The following MTMR1 variants were observed in gnomAD, a reference collection of about 807,000 sequenced individuals.
The protein encoded by MTMR1 is myotubularin related protein 1, also known as phosphatidylinositol-3-phosphate phosphatase MTMR1.
Under a neutral mutation model 51.6 loss-of-function variants are expected in MTMR1, and 17 were observed. The ratio of observed to expected loss-of-function variants is 0.33; its 90% CI spans 0.23 to 0.49. The LOEUF (loss-of-function observed/expected upper bound fraction) is 0.49, where lower values mean the gene tolerates loss of function less well. Among genes scored for constraint, MTMR1 ranks in the 20% least tolerant of loss-of-function variants. The pLI is 0.99. For synonymous variants in MTMR1, 201 were observed against 205.6 expected, an observed-to-expected ratio of 0.98 and a Z score of 0.19; for missense variants, 386 against 526.9, an observed-to-expected ratio of 0.73 and a Z score of 2.62.
At chrX:150,734,683 C>A (rs982265699) in intron 10 of MTMR1, among the ~76,000 whole-genome samples, 8 of 112,470 alleles carry the variant, frequency 7.1e-5, no homozygotes, top group African/African-American at 2.6e-4. Flanking sequence ...TTAACTATGG[C>A]AGTATATGTG....
rs2042225195 is a variant in MTMR1 at position 150,735,053 on chromosome X, C to T, written c.1081-1542C>T. Among the ~76,000 whole-genome samples the T allele has an allele frequency of 4.5e-5, 5 of 111,805 alleles. 1 individual carries two copies. The Admixed American group carries it at 4.7e-4, about 11-fold the overall frequency. On this transcript the variant is annotated intron_variant, in intron 10 of 15. Transcript: ENST00000445323. The stretch of plus-strand genomic sequence containing the variant: ...ACAGGCACACACAGAAGGAAGATGG[C>T]GATGTGGCAATAGAGGCAGAGATTT...
chrX:150,698,678 GCGCACACA>G (rs1441912570), intron 1 of MTMR1, among the ~76,000 whole-genome samples: 1,019 of 70,755 alleles, frequency 0.014, 19 homozygotes, highest in African/African-American at 0.044. Context: ...CTACACGCGC[GCGCACACA>G]CACACACACA....
intron 13 of MTMR1, among the ~76,000 whole-genome samples, chrX:150,747,300 A>T (rs148097489): frequency 9.1e-6 from 1 of 109,991 alleles, no homozygotes; most frequent in Non-Finnish European, 1.9e-5. Context: ...AAAAAAAATT[A>T]AAAAATTAGC....
intron 15 of MTMR1, among the ~76,000 whole-genome samples, chrX:150,760,198 T>G (rs1243545177): frequency 9.4e-6 from 1 of 106,153 alleles, no homozygotes; most frequent in African/African-American, 3.4e-5. Flanking sequence ...ACCTCCTAGG[T>G]GTGGGAATGG....
intron 4 of MTMR1, among the ~76,000 whole-genome samples, chrX:150,720,726 TA>T (rs2041719448): frequency 8.9e-6 from 1 of 112,384 alleles, no homozygotes; most frequent in African/African-American, 3.2e-5. Context: ...GTCGTACCAG[TA>T]TACATTTCTA....
intron 3 of MTMR1, among the ~76,000 whole-genome samples, chrX:150,713,750 A>G (rs1156830550): frequency 8.9e-6 from 1 of 111,987 alleles, no homozygotes; most frequent in East Asian, 2.8e-4. Flanking sequence ...AGAACAGTAT[A>G]CCTTTAAAGG....
intron 2 of MTMR1, among the ~76,000 whole-genome samples, chrX:150,705,598 C>T (rs2041068689): frequency 9.0e-6 from 1 of 111,645 alleles, no homozygotes. Flanking sequence ...AAAAATCAAC[C>T]ATGTAAAAAT....
intron 1 of MTMR1, among the ~76,000 whole-genome samples, chrX:150,693,891 G>A (rs1216130586): frequency 9.2e-6 from 1 of 108,523 alleles, no homozygotes; most frequent in African/African-American, 3.3e-5. Context: ...TGCGGGCCGC[G>A]CACCTGGCTC....
rs200094826 is a variant in MTMR1 at position 150,755,803 on chromosome X, C to G, written c.1795C>G (p.Leu599Val). Reference protein sequence around the residue: ...ENHVLYPVASLSHLELWVNYY... With the variant: ...ENHVLYPVASVSHLELWVNYY... ...CCACGTGTTATATCCTGTTGCTAGT[C>G]TGAGTCATTTGGAATTGTGGGTAAA... The change falls in exon 15 of 16, where the codon CTG becomes GTG. Residue 599 changes from leucine to valine, a missense_variant. Transcript: ENST00000445323. 3.5e-5 allele frequency: 42 copies of G among 1,204,482 alleles called. No homozygotes were observed. The highest frequency in any genetic ancestry group is 7.8e-6 in the Non-Finnish European group (7 of 892,670).
Position 150,752,055 on chromosome X carries a change from T to A in MTMR1, c.1680+1212T>A, listed in dbSNP as rs996336503. On this transcript the variant is annotated intron_variant, in intron 14 of 15. Coordinates refer to ENST00000445323, the MANE Select transcript of MTMR1 (RefSeq NM_001306144.3). ...CCGCAGCCTCCCGAGTAGCTGGGAT[T>A]ATAGGCACCCGCCACCACGCCCGGC... Among the ~76,000 whole-genome samples, 8 of 108,643 alleles carry A rather than the reference T, an allele frequency of 7.4e-5. No homozygotes were observed. The Admixed American group carries it at 7.9e-4, about 11-fold the overall frequency. 94.3% of individuals were successfully genotyped at this position (108,643 alleles called of 115,157 possible). A position where few individuals can be genotyped will look rare whatever the true frequency, so the allele number is the denominator to read the frequency against.
chrX:150,697,735 C>A (rs1316410173), intron 1 of MTMR1, among the ~76,000 whole-genome samples: 1 of 111,670 alleles, frequency 9.0e-6, no homozygotes, highest in Non-Finnish European at 1.9e-5. Flanking sequence ...GGCAAGGCTA[C>A]GTGTGTGAAA....
At position 150,762,709 on chromosome X, in the gene MTMR1, TC is replaced by T; in HGVS notation, c.2004del (p.Val669SerfsTer34). ...RGSSPSHSAT[S>X]VHTSV ...CTCCTCGCCCTCCCACTCCGCCACCTCCGTCCACACCTCGGTCTGATGGGCG... is the reference window on the plus strand; with the variant it reads ...CTCCTCGCCCTCCCACTCCGCCACCTCGTCCACACCTCGGTCTGATGGGCG... On this transcript the variant is annotated frameshift_variant, in exon 16 of 16. Coordinates refer to ENST00000445323, the MANE Select transcript of MTMR1 (RefSeq NM_001306144.3). LOFTEE classifies it high-confidence loss of function. The T allele has an allele frequency of 1.7e-6, 2 of 1,174,979 alleles. No individual in the cohort carries two copies. Among genetic ancestry groups the T allele is most frequent in the Non-Finnish European group, 2.3e-6 (2 of 875,343 alleles).
chrX:150,700,658 G>A (rs968869441), intron 2 of MTMR1, among the ~76,000 whole-genome samples: 59 of 112,736 alleles, frequency 5.2e-4, no homozygotes, highest in African/African-American at 1.9e-3. Flanking sequence ...GATCGCATCA[G>A]TTCCAGTTGC....
chrX:150,752,613 G>A (rs1052488109), intron 14 of MTMR1, among the ~76,000 whole-genome samples: 57 of 98,888 alleles, frequency 5.8e-4, no homozygotes, highest in Non-Finnish European at 7.5e-4. Context: ...TTTTAACCAT[G>A]GCTTTATCTT....
chrX:150,747,584 G>A (rs184210609), intron 13 of MTMR1, among the ~76,000 whole-genome samples: 4 of 112,086 alleles, frequency 3.6e-5, no homozygotes, highest in East Asian at 5.6e-4. Context: ...GAATTGCAGC[G>A]ACCTAATCTT....
At chrX:150,708,109 T>C (rs1197712527) in intron 2 of MTMR1, among the ~76,000 whole-genome samples, 2 of 111,595 alleles carry the variant, frequency 1.8e-5, no homozygotes, top group African/African-American at 6.5e-5. Flanking sequence ...CTATAAAAGG[T>C]CAACAGTAGA....
chrX:150,707,510 A>G lies in MTMR1; in HGVS notation c.253-4832A>G, dbSNP rs73622420. On this transcript the variant is annotated intron_variant, in intron 2 of 15. Transcript: ENST00000445323. ...TTCAACATCATTTCTCAATAGGGGA[A>G]TATAAATTAAAGTCACAGTGAGATA... Among the ~76,000 whole-genome samples the G allele has an allele frequency of 4.6e-3, 515 of 112,714 alleles. 4 individuals are homozygous for G. Among genetic ancestry groups the G allele is most frequent in the African/African-American group, 0.015 (469 of 31,105 alleles).
intron 4 of MTMR1, among the ~76,000 whole-genome samples, chrX:150,721,220 AC>A (rs2148603264): frequency 8.9e-6 from 1 of 112,286 alleles, no homozygotes; most frequent in East Asian, 2.8e-4. Flanking sequence ...TAGAAGTTTT[AC>A]GTCAATATTC....
chrX:150,758,863 C>T (rs1272817123), intron 15 of MTMR1, among the ~76,000 whole-genome samples: 1 of 111,699 alleles, frequency 9.0e-6, no homozygotes, highest in Non-Finnish European at 1.9e-5. Flanking sequence ...CATGTCCCTG[C>T]TTGTTATTAA....
Sources: gnomAD v4.1 joint callset for allele counts (sites outside exome capture counted in the v4.1 genomes callset) on GRCh38, gnomAD v4.1.1 for gene constraint, MANE v1.5 for transcripts, NCBI Gene and HGNC (gene_info 2026-07-23, HGNC 2026-07-21) for gene names.